The following CORIN variants were observed in gnomAD, a reference collection of about 807,000 sequenced individuals.
CORIN encodes atrial natriuretic peptide-converting enzyme.
In CORIN, 117 loss-of-function variants were observed where a neutral mutation model predicts 125.3. The observed-to-expected ratio is 0.93, with a 90% CI of 0.80 to 1.09. CORIN has a LOEUF of 1.09. CORIN is among the 50% of genes least tolerant of loss of function. The pLI, the probability that CORIN is intolerant of heterozygous loss-of-function variation, is 0.00. For missense variants in CORIN, 1,253 were observed against 1,306.7 expected, an observed-to-expected ratio of 0.96 and a Z score of 0.63; for synonymous variants, 450 against 466.4, an observed-to-expected ratio of 0.96 and a Z score of 0.45.
At chr4:47,665,005 G>A in intron 11 of CORIN, 27 bp downstream of exon 11, 2 of 1,511,582 alleles carry the variant, frequency 1.3e-6, no homozygotes, top group South Asian at 1.1e-5. Flanking sequence ...GCAAAATAAG[G>A]GACTGGGGTA....
chr4:47,780,590 T>C (rs1009612626), intron 3 of CORIN, among the ~76,000 whole-genome samples: 7 of 151,960 alleles, frequency 4.6e-5, no homozygotes, highest in African/African-American at 1.7e-4. Context: ...GAAAAAAAAC[T>C]GTCAAAGTTA....
chr4:47,714,778 C>T (rs1297835831), intron 5 of CORIN, among the ~76,000 whole-genome samples: 1 of 152,326 alleles, frequency 6.6e-6, no homozygotes. Flanking sequence ...TTGCTGACCC[C>T]TGATCCAGAA....
chr4:47,675,970 C>T (rs1724999942), intron 9 of CORIN, among the ~76,000 whole-genome samples: 1 of 152,100 alleles, frequency 6.6e-6, no homozygotes, highest in African/African-American at 2.4e-5. Flanking sequence ...GGATGGGTTT[C>T]CCAAGCCAAG....
intron 19 of CORIN, among the ~76,000 whole-genome samples, chr4:47,621,635 G>T (rs1273198831): frequency 6.6e-6 from 1 of 152,076 alleles, no homozygotes; most frequent in Admixed American, 6.6e-5. Flanking sequence ...TTTTCCCTTA[G>T]TTTTATTCTT....
intron 1 of CORIN, among the ~76,000 whole-genome samples, chr4:47,833,829 A>T (rs536604801): frequency 7.4e-4 from 112 of 152,214 alleles, no homozygotes; most frequent in Non-Finnish European, 1.4e-3. Flanking sequence ...CAATCAACAG[A>T]GAATTACAAA....
intron 5 of CORIN, among the ~76,000 whole-genome samples, chr4:47,736,168 A>G (rs1355023479): frequency 1.3e-5 from 2 of 152,146 alleles, no homozygotes; most frequent in Admixed American, 1.3e-4. Context: ...TTAAAACAGA[A>G]AAGACTTAAA....
chr4:47,615,450 G>T (rs1255709184), intron 19 of CORIN, among the ~76,000 whole-genome samples: 1 of 152,200 alleles, frequency 6.6e-6, no homozygotes, highest in Non-Finnish European at 1.5e-5. Context: ...AAATCTATAT[G>T]TTGAAGTTGT....
chr4:47,606,318 T>C (rs1464424646), intron 19 of CORIN, among the ~76,000 whole-genome samples: 2 of 152,156 alleles, frequency 1.3e-5, no homozygotes, highest in African/African-American at 4.8e-5. Context: ...AGTGGCATGA[T>C]GATAGCTCAC....
chr4:47,673,564 A>T (rs1368507407), intron 10 of CORIN, among the ~76,000 whole-genome samples: 1 of 152,066 alleles, frequency 6.6e-6, no homozygotes, highest in Non-Finnish European at 1.5e-5. Context: ...GGATTTTCTG[A>T]TTCCATTTTC....
intron 3 of CORIN, among the ~76,000 whole-genome samples, chr4:47,775,620 A>G (rs1020463550): frequency 4.6e-5 from 7 of 152,128 alleles, no homozygotes; most frequent in African/African-American, 4.8e-5. Context: ...GGCATGCTTT[A>G]AACAGATCTT....
chr4:47,718,359 T>A (rs1727196937), intron 5 of CORIN, among the ~76,000 whole-genome samples: 1 of 152,194 alleles, frequency 6.6e-6, no homozygotes, highest in Non-Finnish European at 1.5e-5. Flanking sequence ...GGTTATCTTG[T>A]CAGAGAATAT....
chr4:47,746,683 C>A (rs1044183588), intron 4 of CORIN, among the ~76,000 whole-genome samples: 22 of 151,952 alleles, frequency 1.4e-4, no homozygotes, highest in African/African-American at 5.3e-4. Context: ...TACAGGCATG[C>A]GCCACCTCGC....
At chr4:47,679,910 GC>G (rs1485428988) in intron 8 of CORIN, 30 of 392,712 alleles carry the variant, frequency 7.6e-5, no homozygotes, top group Non-Finnish European at 9.2e-6. Context: ...GGCTAGATCA[GC>G]CAAATGAAGC....
intron 5 of CORIN, among the ~76,000 whole-genome samples, chr4:47,700,773 T>C (rs1017272142): frequency 6.6e-6 from 1 of 152,186 alleles, no homozygotes; most frequent in Non-Finnish European, 1.5e-5. Context: ...CACTGGTCTC[T>C]GCTATATAAT....
chr4:47,650,147 T>C (rs1030678842), intron 13 of CORIN, among the ~76,000 whole-genome samples: 3 of 152,204 alleles, frequency 2.0e-5, no homozygotes, highest in Admixed American at 6.5e-5. Context: ...GCTCAGGTTA[T>C]ATTTAAAGGT....
intron 4 of CORIN, among the ~76,000 whole-genome samples, chr4:47,750,428 G>C (rs954055686): frequency 2.6e-5 from 4 of 152,124 alleles, no homozygotes; most frequent in African/African-American, 9.7e-5. Flanking sequence ...GATCCTACCA[G>C]GAAAGAGGTG....
chr4:47,721,931 G>A (rs1727366468), intron 5 of CORIN, among the ~76,000 whole-genome samples: 1 of 152,160 alleles, frequency 6.6e-6, no homozygotes, highest in Non-Finnish European at 1.5e-5. Flanking sequence ...TCACCAGAGT[G>A]CAGCATGGCT....
intron 19 of CORIN, among the ~76,000 whole-genome samples, chr4:47,614,295 A>C (rs1721988895): frequency 6.6e-6 from 1 of 152,162 alleles, no homozygotes; most frequent in African/African-American, 2.4e-5. Context: ...ACCTGGGTTC[A>C]AGTGATTCGC....
At chr4:47,596,103 A>G (rs200138234) in intron 21 of CORIN, among the ~76,000 whole-genome samples, 200 bp from the exon 22 acceptor site, 2 of 152,226 alleles carry the variant, frequency 1.3e-5, no homozygotes, top group East Asian at 1.9e-4. Flanking sequence ...TTAAACTCTG[A>G]TCATTAAAAG....
Sources: gnomAD v4.1 joint callset for allele counts (sites outside exome capture counted in the v4.1 genomes callset) on GRCh38, gnomAD v4.1.1 for gene constraint, MANE v1.5 for transcripts, NCBI Gene and HGNC (gene_info 2026-07-23, HGNC 2026-07-21) for gene names.